GRIN2B: variants seen among roughly 807,000 people sequenced by gnomAD.
GRIN2B encodes glutamate receptor ionotropic, NMDA 2B.
A neutral mutation model predicts 114.5 loss-of-function variants in GRIN2B; 5 were observed. The ratio of observed to expected loss-of-function variants is 0.04; its 90% CI spans 0.02 to 0.09. The LOEUF (loss-of-function observed/expected upper bound fraction) is 0.09, where lower values mean the gene tolerates loss of function less well. Among genes scored for constraint, GRIN2B ranks in the 10% least tolerant of loss-of-function variants. GRIN2B has a pLI of 1.00. For synonymous variants in GRIN2B, 787 were observed against 745.1 expected (o/e 1.06, Z -0.92); for missense variants, 1,108 against 1,943.5 (o/e 0.57, Z 8.08).
At chr12:13,933,792 A>G (rs1867080527) in intron 2 of GRIN2B, among the ~76,000 whole-genome samples, 1 of 152,196 alleles carries the variant, frequency 6.6e-6, no homozygotes, top group Non-Finnish European at 1.5e-5. Context: ...TAGGGTGTGG[A>G]GCTACTTGCT....
At chr12:13,741,883 C>A (rs1490232922) in intron 4 of GRIN2B, among the ~76,000 whole-genome samples, 3 of 152,162 alleles carry the variant, frequency 2.0e-5, no homozygotes, top group Non-Finnish European at 4.4e-5. Flanking sequence ...GCAATCATAT[C>A]CCTGTACAAT....
chr12:13,563,056 G>T lies in GRIN2B; in HGVS notation c.4182C>A (p.Asp1394Glu). 1 of 1,614,202 alleles carries T rather than the reference G, an allele frequency of 6.2e-7. No homozygotes were observed. Among genetic ancestry groups the T allele is most frequent in the Non-Finnish European group, 8.5e-7 (1 of 1,180,030 alleles). Residue 1394 changes from aspartate to glutamate, a missense_variant, in exon 14 of 14, where the codon GAC becomes GAA. By Grantham distance (45) the Asp-to-Glu change is conservative. Transcript: ENST00000609686. Reference sequence around the variant, plus strand: ...ATTTGCTGCCATGGAGCAAGCACTGGTCGTCCCCAAAAGTGGGGATGAAAG... The same window carrying T: ...ATTTGCTGCCATGGAGCAAGCACTGTTCGTCCCCAAAAGTGGGGATGAAAG... ...QNPFIPTFGD[D>E]QCLLHGSKSY...
At chr12:13,718,655 A>G (rs747931933) in intron 4 of GRIN2B, among the ~76,000 whole-genome samples, 5 of 152,072 alleles carry the variant, frequency 3.3e-5, no homozygotes, top group Non-Finnish European at 7.4e-5. Context: ...AGCAGCTTCT[A>G]AAGAGGATCT....
chr12:13,699,576 T>C (rs371098328), intron 4 of GRIN2B, among the ~76,000 whole-genome samples: 26 of 151,796 alleles, frequency 1.7e-4, no homozygotes, highest in Admixed American at 7.2e-4. Context: ...GAAACCTACC[T>C]GAAAGGAAAA....
intron 3 of GRIN2B, among the ~76,000 whole-genome samples, chr12:13,810,367 T>C (rs531359842): frequency 3.3e-5 from 5 of 151,910 alleles, no homozygotes; most frequent in African/African-American, 1.2e-4. Context: ...TGTGTGTGTG[T>C]GTGCGCGCAT....
chr12:13,812,069 A>T (rs988996441), intron 3 of GRIN2B, among the ~76,000 whole-genome samples: 4 of 152,236 alleles, frequency 2.6e-5, no homozygotes, highest in Non-Finnish European at 5.9e-5. Flanking sequence ...AAAGAAAAAA[A>T]GTAATATATT....
intron 4 of GRIN2B, among the ~76,000 whole-genome samples, chr12:13,740,179 A>G (rs190328952): frequency 4.3e-4 from 65 of 152,342 alleles, no homozygotes; most frequent in Middle Eastern, 3.4e-3. Context: ...TTTCACTAAC[A>G]TTCTGAAATT....
At chr12:13,706,625 C>A (rs796290856) in intron 4 of GRIN2B, among the ~76,000 whole-genome samples, 4 of 152,048 alleles carry the variant, frequency 2.6e-5, no homozygotes, top group South Asian at 4.1e-4. Context: ...GAATTCCCAA[C>A]CTCCCCATGT....
At chr12:13,721,676 A>G (rs1158571201) in intron 4 of GRIN2B, among the ~76,000 whole-genome samples, 1 of 152,224 alleles carries the variant, frequency 6.6e-6, no homozygotes, top group South Asian at 2.1e-4. Flanking sequence ...TTAGTAGGTA[A>G]CTAGAGAGTC....
At chr12:13,705,968 A>T (rs564969514) in intron 4 of GRIN2B, among the ~76,000 whole-genome samples, 1 of 152,266 alleles carries the variant, frequency 6.6e-6, no homozygotes, top group East Asian at 1.9e-4. Flanking sequence ...AACAAATTAA[A>T]TTACATCAGG....
rs1330094760 is a variant in GRIN2B at position 13,560,352 on chromosome 12, C to CTGAA, written c.*2427_*2430dup. The CTGAA allele has an allele frequency of 7.2e-5, 11 of 152,228 alleles. No homozygotes were observed. The East Asian group carries it at 2.1e-3, about 29-fold the overall frequency. 9.4% of individuals were successfully genotyped at this position (152,228 alleles called of 1,614,324 possible). Reference sequence around the variant, plus strand: ...ACCCCACTCCCTCCAGCCCAACACCCTGAATACTCACAAGAGAACACTTTA... The same window carrying CTGAA: ...ACCCCACTCCCTCCAGCCCAACACCCTGAATGAATACTCACAAGAGAACACTTTA... On this transcript the variant is annotated 3_prime_UTR_variant, in exon 14 of 14. Transcript: ENST00000609686.
chr12:13,910,816 T>C (rs963920332), intron 2 of GRIN2B, among the ~76,000 whole-genome samples: 1 of 152,182 alleles, frequency 6.6e-6, no homozygotes, highest in Non-Finnish European at 1.5e-5. Flanking sequence ...GATTTTTACT[T>C]TCATCTCATG....
chr12:13,890,844 C>T (rs980842581), intron 2 of GRIN2B, among the ~76,000 whole-genome samples: 2 of 152,108 alleles, frequency 1.3e-5, no homozygotes, highest in Admixed American at 6.5e-5. Context: ...GAGCACCATG[C>T]AGACTTTCCA....
rs567010946 is a variant in GRIN2B, at chr12:13,814,257, T to G, written c.411+51541A>C. 4.0e-3 allele frequency among the ~76,000 whole-genome samples: 607 copies of G among 152,330 alleles called. 5 individuals are homozygous for G. Among genetic ancestry groups the G allele is most frequent in the African/African-American group, 0.014 (580 of 41,572 alleles). Reference sequence around the variant, plus strand: ...TTCCGTGTTAGAGTATTCCTCAGTATGCACTAATTCTCAGCTAGAGGGACC... The same window carrying G: ...TTCCGTGTTAGAGTATTCCTCAGTAGGCACTAATTCTCAGCTAGAGGGACC... On this transcript the variant is annotated intron_variant, in intron 3 of 13. Transcript: ENST00000609686.
chr12:13,909,019 A>G (rs1286980730), intron 2 of GRIN2B, among the ~76,000 whole-genome samples: 4 of 152,180 alleles, frequency 2.6e-5, no homozygotes, highest in Admixed American at 6.5e-5. Context: ...CTCACTATAA[A>G]TGGCTGCTGG....
intron 4 of GRIN2B, among the ~76,000 whole-genome samples, chr12:13,722,546 T>C (rs1862900770): frequency 6.6e-6 from 1 of 152,066 alleles, no homozygotes; most frequent in African/African-American, 2.4e-5. Flanking sequence ...AGTATAAAAA[T>C]GAGAAAGTTC....
At chr12:13,803,921 C>G (rs866578943) in intron 3 of GRIN2B, among the ~76,000 whole-genome samples, 1 of 152,188 alleles carries the variant, frequency 6.6e-6, no homozygotes, top group African/African-American at 2.4e-5. Flanking sequence ...CCCAACCAGC[C>G]ATTTTATGCC....
chr12:13,749,833 A>T (rs1863451485), intron 4 of GRIN2B, among the ~76,000 whole-genome samples: 1 of 152,180 alleles, frequency 6.6e-6, no homozygotes, highest in South Asian at 2.1e-4. Flanking sequence ...TCCTTTCTGG[A>T]TCCTGATAGG....
At chr12:13,834,032 T>C (rs1865203654) in intron 3 of GRIN2B, among the ~76,000 whole-genome samples, 1 of 127,002 alleles carries the variant, frequency 7.9e-6, no homozygotes, top group African/African-American at 3.0e-5. Flanking sequence ...TTTTTTTTTT[T>C]TTTTTTTTTT....
Sources: gnomAD v4.1 joint callset for allele counts (sites outside exome capture counted in the v4.1 genomes callset) on GRCh38, gnomAD v4.1.1 for gene constraint, MANE v1.5 for transcripts, NCBI Gene and HGNC (gene_info 2026-07-23, HGNC 2026-07-21) for gene names.